TDRD9: variants seen among roughly 807,000 people sequenced by gnomAD.
The protein encoded by TDRD9 is ATP-dependent RNA helicase TDRD9.
Under a neutral mutation model 172.6 loss-of-function variants are expected in TDRD9, and 124 were observed. That is an observed-to-expected ratio of 0.72 (90% CI 0.62 to 0.83). The LOEUF (loss-of-function observed/expected upper bound fraction) is 0.83. Among genes scored for constraint, TDRD9 ranks in the 40% least tolerant of loss-of-function variants. The pLI, the probability that TDRD9 is intolerant of heterozygous loss-of-function variation, is 0.00. For missense variants in TDRD9, 1,479 were observed against 1,714.1 expected, an observed-to-expected ratio of 0.86 and a Z score of 2.42; for synonymous variants, 619 against 617.1, an observed-to-expected ratio of 1.00 and a Z score of -0.05.
intron 1 of TDRD9, among the ~76,000 whole-genome samples, chr14:103,943,872 A>G (rs1034818774): frequency 2.6e-5 from 4 of 152,108 alleles, no homozygotes; most frequent in Non-Finnish European, 4.4e-5. Context: ...TGGCCACCCT[A>G]CAGCTCCTGT....
At chr14:103,991,483 G>A (rs909635083) in intron 9 of TDRD9, among the ~76,000 whole-genome samples, 10 of 151,818 alleles carry the variant, frequency 6.6e-5, no homozygotes, top group Admixed American at 3.9e-4. Flanking sequence ...CACGATCTTG[G>A]CTCACTGCAA....
intron 1 of TDRD9, among the ~76,000 whole-genome samples, chr14:103,953,848 GA>G (rs1383223621): frequency 6.6e-6 from 1 of 152,104 alleles, no homozygotes; most frequent in Non-Finnish European, 1.5e-5. Context: ...ACTCTCAGTG[GA>G]CTCGGTAATG....
intron 1 of TDRD9, among the ~76,000 whole-genome samples, chr14:103,950,074 C>A: frequency 6.8e-6 from 1 of 147,870 alleles, no homozygotes; most frequent in South Asian, 2.2e-4. Flanking sequence ...TGGGCCCTGC[C>A]CTCTTTCCTT....
chr14:103,994,058 A>G (rs1218929739), intron 9 of TDRD9, among the ~76,000 whole-genome samples: 1 of 152,256 alleles, frequency 6.6e-6, no homozygotes, highest in Non-Finnish European at 1.5e-5. Flanking sequence ...AAGGAATACA[A>G]AAATTACTCA....
intron 2 of TDRD9, among the ~76,000 whole-genome samples, chr14:103,956,150 A>ATGTAT (rs2032229424): frequency 8.5e-5 from 9 of 106,182 alleles, no homozygotes; most frequent in South Asian, 3.2e-4. Context: ...ATATATATAT[A>ATGTAT]ATTATTAGGC....
intron 1 of TDRD9, among the ~76,000 whole-genome samples, chr14:103,939,619 G>T (rs1212882508): frequency 8.4e-6 from 1 of 119,180 alleles, no homozygotes; most frequent in Non-Finnish European, 1.7e-5. Context: ...CCAAATAGAG[G>T]TCAGTTGAAA....
chr14:103,960,103 G>C (rs920384847), intron 2 of TDRD9, among the ~76,000 whole-genome samples: 4 of 152,210 alleles, frequency 2.6e-5, no homozygotes, highest in African/African-American at 9.7e-5. Context: ...CAGAATACTA[G>C]TCCATATTTG....
intron 30 of TDRD9, among the ~76,000 whole-genome samples, chr14:104,032,960 G>C (rs1193227577): frequency 6.6e-6 from 1 of 152,114 alleles, no homozygotes; most frequent in Non-Finnish European, 1.5e-5. Context: ...GAGGAAGAGA[G>C]GGGAGGTGGG....
At chr14:104,033,841 C>T in intron 30 of TDRD9, 119 bp from the exon 31 acceptor site, 1 of 652,496 alleles carries the variant, frequency 1.5e-6, no homozygotes, top group East Asian at 2.8e-5. Flanking sequence ...AATATTTCTT[C>T]CCGTCTATCA....
At chr14:103,968,511 G>T in intron 5 of TDRD9, among the ~76,000 whole-genome samples, 1 of 152,068 alleles carries the variant, frequency 6.6e-6, no homozygotes, top group Non-Finnish European at 1.5e-5. Flanking sequence ...CTTGGGCCGG[G>T]CACGGTGGCT....
chr14:104,013,293 G>A (rs970611769), intron 20 of TDRD9, among the ~76,000 whole-genome samples: 1 of 152,156 alleles, frequency 6.6e-6, no homozygotes, highest in Non-Finnish European at 1.5e-5. Context: ...TTGACATTTT[G>A]TGTGAAACAG....
At position 103,980,033 on chromosome 14, in the gene TDRD9, G is replaced by T. The variant is rs1231543167; in HGVS notation, c.1011+4480G>T. 6.6e-6 allele frequency among the ~76,000 whole-genome samples: 1 copy of T among 151,992 alleles called. No homozygotes were observed. Among genetic ancestry groups the T allele is most frequent in the African/African-American group, 2.4e-5 (1 of 41,372 alleles). Reference sequence around the variant, plus strand: ...TATGACTACAGATGCATACCACCATGCTTGGCTAATTAAAAAAAATTTTTT... The same window carrying T: ...TATGACTACAGATGCATACCACCATTCTTGGCTAATTAAAAAAAATTTTTT... On this transcript the variant is annotated intron_variant, in intron 7 of 35. Transcript: ENST00000409874. This position sits in a 1 kb window ranked among gnomAD's most constrained non-coding sequence, Gnocchi z 4.5.
intron 20 of TDRD9, among the ~76,000 whole-genome samples, chr14:104,010,029 T>G (rs906007938): frequency 1.9e-4 from 29 of 150,598 alleles, no homozygotes; most frequent in African/African-American, 7.1e-4. Flanking sequence ...CACTGTAACC[T>G]CTGCCTCCCG....
chr14:104,006,010 A>G (rs2034426190), intron 15 of TDRD9, among the ~76,000 whole-genome samples: 2 of 152,154 alleles, frequency 1.3e-5, no homozygotes, highest in Non-Finnish European at 2.9e-5. Context: ...GGTTTCTATG[A>G]AATACACTGT....
intron 32 of TDRD9, among the ~76,000 whole-genome samples, chr14:104,038,016 A>G (rs952205056): frequency 3.9e-5 from 6 of 152,184 alleles, no homozygotes; most frequent in African/African-American, 1.4e-4. Context: ...GGGAGCAGAC[A>G]TCTGAGAACA....
In TDRD9 at chr14:104,035,037, G is replaced by A. The variant is rs1159008823; in HGVS notation, c.3697G>A (p.Ala1233Thr). ...CCCGGCTCTCCTCAGCATGTTATTC[G>A]CACCGGTGATAGAGTTAAGGTACGG... ...GLPALLSMLF[A>T]PVIELRIDQN... The change falls in exon 32 of 36, where the codon GCA becomes ACA. Residue 1233 changes from alanine (A) to threonine (T), a missense_variant. Physicochemically the swap from Ala to Thr is moderately conservative, Grantham distance 58. This residue lies in a region of TDRD9 where 1,413 missense variants were observed against 1,649.1 expected (regional missense o/e 0.86). Coordinates refer to ENST00000409874, the MANE Select transcript of TDRD9 (RefSeq NM_153046.3). 5.8e-6 allele frequency: 9 copies of A among 1,551,488 alleles called. No individual in the cohort carries two copies. The highest frequency in any genetic ancestry group is 2.7e-5 in the African/African-American group (2 of 73,124).
chr14:104,022,933 A>AT (rs886648250), intron 24 of TDRD9, among the ~76,000 whole-genome samples: 2 of 151,660 alleles, frequency 1.3e-5, no homozygotes, highest in African/African-American at 4.8e-5. Context: ...TAATCCTTGC[A>AT]TTTTGGGAGA....
Position 104,052,053 on chromosome 14 carries a change from C to T in TDRD9, c.4120C>T (p.Leu1374Phe). 1 of 1,585,598 alleles carries T rather than the reference C, an allele frequency of 6.3e-7. No individual in the cohort carries two copies. ...AGGGAAGAACACCTTTCTCTACCAG[C>T]TCCACAAACTGGTTGTGCTCGGCAC... Reference protein sequence around the residue: ...SRGKNTFLYQLHKLVVLGT With the variant: ...SRGKNTFLYQFHKLVVLGT Residue 1374 changes from leucine to phenylalanine, a missense_variant, in exon 36 of 36, where the codon CTC becomes TTC. By Grantham distance (22) the Leu-to-Phe change is conservative. Coordinates refer to ENST00000409874, the MANE Select transcript of TDRD9 (RefSeq NM_153046.3).
In TDRD9 at chr14:103,986,279, T is replaced by C; in HGVS notation, c.1074T>C (p.Ser358=). The change falls in exon 8 of 36, where the codon TCT becomes TCC. Residue 358 remains serine (S), a synonymous_variant. Transcript: ENST00000409874. ...ITKDIYEVAV[S]LIQMFDDLDM... ...AGGATATATATGAAGTTGCTGTCTC[T>C]CTCATTCAGATGTTTGATGACTTGG... The C allele has an allele frequency of 1.2e-6, 2 of 1,613,448 alleles. No individual in the cohort carries two copies. The highest frequency in any genetic ancestry group is 1.3e-5 in the African/African-American group (1 of 75,050).
Sources: allele counts gnomAD v4.1 joint callset (sites outside exome capture counted in the v4.1 genomes callset), GRCh38; gene constraint gnomAD v4.1.1; regional missense constraint gnomAD v4.1.1; non-coding constraint Gnocchi (gnomAD v3.1); transcripts MANE v1.5; gene names NCBI Gene and HGNC (gene_info 2026-07-23, HGNC 2026-07-21).